The following DNAH8 variants were observed in gnomAD, a reference collection of about 807,000 sequenced individuals.
The protein encoded by DNAH8 is axonemal beta dynein heavy chain 8.
A neutral mutation model predicts 562.1 loss-of-function variants in DNAH8; 382 were observed. That is an observed-to-expected ratio of 0.68 (90% CI 0.63 to 0.74). The LOEUF is 0.74. DNAH8 is among the 30% of genes least tolerant of loss of function. DNAH8 has a pLI of 0.00. For missense variants in DNAH8, 5,203 were observed against 5,620.4 expected (o/e 0.93, Z 2.37); for synonymous variants, 1,881 against 1,919.4 (o/e 0.98, Z 0.52).
At chr6:38,929,379 A>T in intron 74 of DNAH8, 132 bp from the exon 75 acceptor site, 1 of 916,798 alleles carries the variant, frequency 1.1e-6, no homozygotes, top group Non-Finnish European at 1.6e-6. Flanking sequence ...ATGTTACTTT[A>T]ATTTTTTTAA....
chr6:38,786,607 C>T (rs976730954), intron 17 of DNAH8, among the ~76,000 whole-genome samples, 158 bp from the exon 18 acceptor site: 2 of 152,218 alleles, frequency 1.3e-5, no homozygotes. Flanking sequence ...TGAGTATTCA[C>T]TATGTGCCAG....
rs143352212 is a variant in DNAH8 at position 38,762,750 on chromosome 6, G to A, written c.1617+947G>A. Among the ~76,000 whole-genome samples the A allele has an allele frequency of 2.5e-4, 38 of 152,354 alleles. No individual in the cohort carries two copies. In the East Asian group the frequency reaches 7.1e-3, roughly 29 times the overall value. ...GGTTCCCTGGTCTTCGTAGTGCCAA[G>A]GTGTGTGGCTTGAACAGGGAGGTCA... On this transcript the variant is annotated intron_variant, in intron 11 of 92. Transcript: ENST00000327475.
Position 38,938,843 on chromosome 6 carries a change from C to G in DNAH8, c.11862C>G (p.Ile3954Met). The change falls in exon 79 of 93, where the codon ATC becomes ATG. Residue 3954 changes from isoleucine (I) to methionine (M), a missense_variant. By Grantham distance (10) the Ile-to-Met change is conservative. Coordinates refer to ENST00000327475, the MANE Select transcript of DNAH8 (RefSeq NM_001206927.2). ...CTCAAAAGAGAATTACAAATATTAT[C>G]GAGTACCTGACATATGAAGTTTTTA... The part of the protein sequence containing the change: ...PLPQKRITNI[I>M]EYLTYEVFTY... 1 of 1,612,416 alleles carries G rather than the reference C, an allele frequency of 6.2e-7. No individual in the cohort carries two copies. The highest frequency in any genetic ancestry group is 1.3e-5 in the African/African-American group (1 of 74,952).
At chr6:38,867,608 C>A (rs944806562) in intron 47 of DNAH8, among the ~76,000 whole-genome samples, 1 of 149,886 alleles carries the variant, frequency 6.7e-6, no homozygotes, top group Non-Finnish European at 1.5e-5. Flanking sequence ...AAAAAATTAG[C>A]CAGGCGTGGT....
intron 79 of DNAH8, among the ~76,000 whole-genome samples, chr6:38,943,846 A>G (rs555958446): frequency 3.5e-4 from 54 of 152,314 alleles, no homozygotes; most frequent in African/African-American, 1.3e-3. Flanking sequence ...TTCTAGGTAC[A>G]TTAATGTATT....
chr6:38,748,626 C>T (rs902360320), intron 8 of DNAH8, among the ~76,000 whole-genome samples: 2 of 151,866 alleles, frequency 1.3e-5, no homozygotes, highest in East Asian at 1.9e-4. Flanking sequence ...TAACAGCTCA[C>T]GCCTGTAATC....
intron 61 of DNAH8, among the ~76,000 whole-genome samples, chr6:38,898,715 A>G (rs1779874821): frequency 6.6e-6 from 1 of 152,174 alleles, no homozygotes; most frequent in Non-Finnish European, 1.5e-5. Context: ...TTATATTTTG[A>G]TATTATGGGA....
chr6:38,815,557 G>A lies in DNAH8; in HGVS notation c.3423G>A (p.Trp1141Ter), dbSNP rs754117748. ...TLEVSRGVAH[W>*]GQQQIRPIKS... ...AGGTCAGCAGAGGAGTGGCTCACTG[G>A]GGGCAACAGCAAATCCGTCCCATCA... The change falls in exon 26 of 93, where the codon TGG becomes TGA. Residue 1141 changes from tryptophan (W) to a stop codon, truncating the protein, a stop_gained. Coordinates refer to ENST00000327475, the MANE Select transcript of DNAH8 (RefSeq NM_001206927.2). LOFTEE classifies it high-confidence loss of function. 1 of 1,614,010 alleles carries A rather than the reference G, an allele frequency of 6.2e-7. No individual in the cohort carries two copies. Among genetic ancestry groups the A allele is most frequent in the Non-Finnish European group, 8.5e-7 (1 of 1,179,942 alleles).
chr6:38,819,393 A>C (rs1772606728), intron 26 of DNAH8, among the ~76,000 whole-genome samples: 1 of 152,164 alleles, frequency 6.6e-6, no homozygotes, highest in African/African-American at 2.4e-5. Flanking sequence ...TGGTGAGTAC[A>C]TTGGAATTCA....
intron 11 of DNAH8, among the ~76,000 whole-genome samples, chr6:38,762,121 T>C (rs945310421): frequency 6.6e-6 from 1 of 152,174 alleles, no homozygotes; most frequent in Non-Finnish European, 1.5e-5. Context: ...AGGATTACCA[T>C]GTATCCTTAA....
intron 3 of DNAH8, among the ~76,000 whole-genome samples, chr6:38,727,208 G>T (rs1316462852): frequency 6.6e-6 from 1 of 152,132 alleles, no homozygotes; most frequent in Non-Finnish European, 1.5e-5. Context: ...CAGGATGAAA[G>T]CAGCTCAGTA....
At chr6:38,980,587 G>T (rs1763968128) in intron 85 of DNAH8, among the ~76,000 whole-genome samples, 1 of 152,150 alleles carries the variant, frequency 6.6e-6, no homozygotes, top group African/African-American at 2.4e-5. Flanking sequence ...CTGGGAGAAG[G>T]GGTCTGGTCA....
intron 82 of DNAH8, among the ~76,000 whole-genome samples, chr6:38,970,896 GC>G (rs1275042141): frequency 6.6e-6 from 1 of 152,148 alleles, no homozygotes; most frequent in Non-Finnish European, 1.5e-5. Context: ...ATGGTTCTCT[GC>G]CTGGGACATC....
At chr6:38,717,737 T>G (rs1762449827) in intron 1 of DNAH8, among the ~76,000 whole-genome samples, 1 of 152,078 alleles carries the variant, frequency 6.6e-6, no homozygotes, top group African/African-American at 2.4e-5. Context: ...GTGATTCTTA[T>G]TAATAATTTA....
chr6:38,939,052 T>C (rs1783219935), intron 79 of DNAH8, 64 bp downstream of exon 79: 1 of 1,316,772 alleles, frequency 7.6e-7, no homozygotes. Context: ...CTCTTTGATA[T>C]ACCATAAACC....
In DNAH8 at chr6:38,898,254, A is replaced by G. The variant is rs1779833059; in HGVS notation, c.8941-4A>G. On this transcript the variant is annotated splice_region_variant and splice_polypyrimidine_tract_variant and intron_variant, in intron 60 of 92. Transcript: ENST00000327475. ...TATTTTTTTATCTTTCTCTCCACCC[A>G]TAGATGCCATCCTTTGACTTTCTGG... 1.9e-6 allele frequency: 3 copies of G among 1,586,146 alleles called. No homozygotes were observed. Among genetic ancestry groups the G allele is most frequent in the Admixed American group, 1.9e-5 (1 of 53,984 alleles).
At chr6:38,868,267 G>A (rs1777211523) in intron 48 of DNAH8, 71 bp downstream of exon 48, 2 of 1,436,428 alleles carry the variant, frequency 1.4e-6, no homozygotes, top group Non-Finnish European at 1.9e-6. Context: ...GACAAGTAGA[G>A]GTAGGCTGAT....
intron 2 of DNAH8, 52 bp downstream of exon 2, chr6:38,723,251 G>A (rs1762929752): frequency 1.3e-5 from 21 of 1,575,082 alleles, no homozygotes; most frequent in Non-Finnish European, 1.7e-5. Flanking sequence ...TATCAAATAC[G>A]AAATACTTTT....
At chr6:38,806,141 C>A (rs1459902557) in intron 23 of DNAH8, among the ~76,000 whole-genome samples, 1 of 152,108 alleles carries the variant, frequency 6.6e-6, no homozygotes, top group East Asian at 1.9e-4. Context: ...TTAGTCCTCA[C>A]CCTTCTGGTC....
Sources: allele counts gnomAD v4.1 joint callset (sites outside exome capture counted in the v4.1 genomes callset), GRCh38; gene constraint gnomAD v4.1.1; transcripts MANE v1.5; gene names NCBI Gene and HGNC (gene_info 2026-07-23, HGNC 2026-07-21).